The following FREM1 variants were observed in gnomAD, a reference collection of about 807,000 sequenced individuals.
The protein encoded by FREM1 is FRAS1-related extracellular matrix protein 1.
In FREM1, 220 loss-of-function variants were observed where a neutral mutation model predicts 210.1. The observed-to-expected ratio is 1.05, with a 90% CI of 0.94 to 1.17. The LOEUF is 1.17. FREM1 is among the 50% of genes most tolerant of loss of function. The pLI, the probability that FREM1 is intolerant of heterozygous loss-of-function variation, is 0.00. For synonymous variants in FREM1, 1,189 were observed against 980.2 expected (o/e 1.21, Z -3.98); for missense variants, 3,454 against 2,675.5 (o/e 1.29, Z -6.42).
At chr9:14,792,679 G>A (rs1851635483) in intron 22 of FREM1, 64 bp downstream of exon 22, 2 of 1,209,864 alleles carry the variant, frequency 1.7e-6, no homozygotes, top group African/African-American at 1.5e-5. Flanking sequence ...ATAGAAATGT[G>A]TATATTGAGA....
intron 10 of FREM1, among the ~76,000 whole-genome samples, chr9:14,829,820 G>A (rs1823199306): frequency 6.6e-6 from 1 of 152,108 alleles, no homozygotes; most frequent in Non-Finnish European, 1.5e-5. Context: ...TATTCTACTT[G>A]GTAGACAGCT....
Position 14,830,976 on chromosome 9 carries a change from C to T in FREM1, c.1882-5984G>A, listed in dbSNP as rs574880097. Among the ~76,000 whole-genome samples, 4 of 152,166 alleles carry T rather than the reference C, an allele frequency of 2.6e-5. No individual in the cohort carries two copies. In the South Asian group the frequency reaches 6.2e-4, roughly 24 times the overall value. ...CAGGCATCCATCAACCTAGTATATA[C>T]GCTTATTGTTGGCTACCGTACTCAA... is the stretch of plus-strand genomic sequence containing the variant. On this transcript the variant is annotated intron_variant, in intron 10 of 36. Coordinates refer to ENST00000380880, the MANE Select transcript of FREM1 (RefSeq NM_001379081.2).
rs1818128122 is a variant in FREM1 at position 14,805,133 on chromosome 9, G to A, written c.3294C>T (p.Asp1098=). The change falls in exon 19 of 37, where the codon GAC becomes GAT. Residue 1098 remains aspartate (D), a synonymous_variant. Transcript: ENST00000380880. ...CATAGTTAATGTGAAAAGCGTTCATGTCTTTCCACTGAAATGAATCTAGAG... is the reference window on the plus strand; with the variant it reads ...CATAGTTAATGTGAAAAGCGTTCATATCTTTCCACTGAAATGAATCTAGAG... ...GISIDSFQWK[D]MNAFHINYVQ... is the part of the protein sequence containing the mutation. 1 of 1,572,684 alleles carries A rather than the reference G, an allele frequency of 6.4e-7. No homozygotes were observed. The highest frequency in any genetic ancestry group is 8.6e-7 in the Non-Finnish European group (1 of 1,157,992).
At chr9:14,744,396 T>C (rs540817064) in intron 35 of FREM1, among the ~76,000 whole-genome samples, 4 of 152,134 alleles carry the variant, frequency 2.6e-5, no homozygotes, top group South Asian at 2.1e-4. Flanking sequence ...CTCGTGCTAT[T>C]TTCTAGTCAT....
intron 24 of FREM1, among the ~76,000 whole-genome samples, chr9:14,780,433 G>GA (rs58017285): frequency 0.11 from 8,729 of 81,468 alleles, 1,112 homozygotes; most frequent in African/African-American, 0.24. Context: ...CAGCTCCTCA[G>GA]AAAAAAAAAA....
At chr9:14,766,105 G>C (rs1846354736) in intron 27 of FREM1, among the ~76,000 whole-genome samples, 1 of 152,120 alleles carries the variant, frequency 6.6e-6, no homozygotes, top group Admixed American at 6.5e-5. Flanking sequence ...CTGGAGGTCA[G>C]GGTTCACTCT....
chr9:14,861,466 G>A (rs1276828774), intron 3 of FREM1, among the ~76,000 whole-genome samples: 1 of 149,200 alleles, frequency 6.7e-6, no homozygotes, highest in Non-Finnish European at 1.5e-5. Flanking sequence ...TAATAAATGG[G>A]GTATCCATTT....
chr9:14,803,937 A>G (rs894407481), intron 19 of FREM1, among the ~76,000 whole-genome samples: 2 of 152,216 alleles, frequency 1.3e-5, no homozygotes, highest in African/African-American at 4.8e-5. Context: ...AAAATATGTT[A>G]TAATATCCTT....
chr9:14,838,718 G>T (rs1825083922), intron 10 of FREM1, among the ~76,000 whole-genome samples: 1 of 152,196 alleles, frequency 6.6e-6, no homozygotes, highest in African/African-American at 2.4e-5. Flanking sequence ...CAATGAGTCA[G>T]ATACCTAGGT....
At position 14,759,305 on chromosome 9, in the gene FREM1, T is replaced by C. The variant is rs201173923; in HGVS notation, c.5334+467A>G. On this transcript the variant is annotated intron_variant, in intron 28 of 36. Coordinates refer to ENST00000380880, the MANE Select transcript of FREM1 (RefSeq NM_001379081.2). ...TGGATGGATTGCCTGAGGTGAGGAGTTCGAGACCAGCCTGGCCAACATGGT... is the reference window on the plus strand; with the variant it reads ...TGGATGGATTGCCTGAGGTGAGGAGCTCGAGACCAGCCTGGCCAACATGGT... Among the ~76,000 whole-genome samples, 34 of 151,896 alleles carry C rather than the reference T, an allele frequency of 2.2e-4. 1 individual carries two copies. In the East Asian group the frequency reaches 6.6e-3, roughly 29 times the overall value.
At position 14,801,846 on chromosome 9, in the gene FREM1, T is replaced by C; in HGVS notation, c.3500A>G (p.Asp1167Gly). The change falls in exon 20 of 37, where the codon GAC becomes GGC. Residue 1167 changes from aspartate to glycine, a missense_variant. Physicochemically the swap from Asp to Gly is moderately conservative, Grantham distance 94. Transcript: ENST00000380880. ...TVCEGQMKELDSSIISAVDLD... is the reference protein window; with the variant it reads ...TVCEGQMKELGSSIISAVDLD... Reference sequence around the variant, plus strand: ...GTCCACAGCGCTGATGATGGAAGAGTCCAGCTCTTTCATCTGACCCTCACA... The same window carrying C: ...GTCCACAGCGCTGATGATGGAAGAGCCCAGCTCTTTCATCTGACCCTCACA... 1 of 1,613,314 alleles carries C rather than the reference T, an allele frequency of 6.2e-7. No homozygotes were observed. The highest frequency in any genetic ancestry group is 8.5e-7 in the Non-Finnish European group (1 of 1,179,596).
Position 14,747,376 on chromosome 9 carries a change from T to G in FREM1, c.5897A>C (p.Lys1966Thr), listed in dbSNP as rs1381372090. ...KLEDDSFPTH[K>T]RKAKVSIISQ... is the part of the protein sequence containing the mutation. The stretch of plus-strand genomic sequence containing the variant: ...AATGATGGATACTTTGGCCTTCCTT[T>G]TGTGAGTTGGGAAACTGTCATCCTC... Residue 1966 changes from lysine (K) to threonine (T), a missense_variant, in exon 33 of 37, where the codon AAA becomes ACA. By Grantham distance (78) the Lys-to-Thr change is moderately conservative (BLOSUM62 -1). Coordinates refer to ENST00000380880, the MANE Select transcript of FREM1 (RefSeq NM_001379081.2). 6.2e-7 allele frequency: 1 copy of G among 1,613,808 alleles called. No individual in the cohort carries two copies. The highest frequency in any genetic ancestry group is 1.1e-5 in the South Asian group (1 of 91,074).
At chr9:14,785,374 A>AT (rs369207807) in intron 23 of FREM1, among the ~76,000 whole-genome samples, 2 of 152,136 alleles carry the variant, frequency 1.3e-5, no homozygotes, top group African/African-American at 2.4e-5. Context: ...TTAGAATGGT[A>AT]TTTTTTTCTG....
intron 1 of FREM1, among the ~76,000 whole-genome samples, chr9:14,883,677 C>T (rs1263132599): frequency 6.6e-6 from 1 of 152,196 alleles, no homozygotes; most frequent in African/African-American, 2.4e-5. Context: ...TTGTCTCTGA[C>T]ACAAAATTAC....
intron 25 of FREM1, among the ~76,000 whole-genome samples, chr9:14,775,479 G>C (rs1216494581): frequency 1.3e-5 from 2 of 152,064 alleles, no homozygotes; most frequent in East Asian, 1.9e-4. Context: ...GCCGAGGCAG[G>C]TGGATCATTT....
chr9:14,759,317 C>G (rs955223197), intron 28 of FREM1, among the ~76,000 whole-genome samples: 2 of 151,972 alleles, frequency 1.3e-5, no homozygotes, highest in Admixed American at 1.3e-4. Context: ...CGAGACCAGC[C>G]TGGCCAACAT....
intron 33 of FREM1, 37 bp from the exon 34 acceptor site, chr9:14,747,088 G>T: frequency 6.2e-7 from 1 of 1,612,280 alleles, no homozygotes; most frequent in South Asian, 1.1e-5. Flanking sequence ...ATTTAGAATT[G>T]ACTTAAGGAA....
chr9:14,860,889 A>G (rs571965321), intron 3 of FREM1, among the ~76,000 whole-genome samples: 28 of 121,472 alleles, frequency 2.3e-4, no homozygotes, highest in African/African-American at 1.1e-3. Context: ...ATATACACAT[A>G]TATACATATA....
chr9:14,785,406 T>C (rs1850264542), intron 23 of FREM1, among the ~76,000 whole-genome samples: 1 of 152,372 alleles, frequency 6.6e-6, no homozygotes, highest in South Asian at 2.1e-4. Context: ...AAGATGTCTA[T>C]TGTTAATATT....
Sources: allele counts gnomAD v4.1 joint callset (sites outside exome capture counted in the v4.1 genomes callset), GRCh38; gene constraint gnomAD v4.1.1; transcripts MANE v1.5; gene names NCBI Gene and HGNC (gene_info 2026-07-23, HGNC 2026-07-21).